Variants in ME3 observed in about 807,000 individuals in gnomAD.
The protein encoded by ME3 is NADP-dependent malic enzyme, mitochondrial.
A neutral mutation model predicts 68.9 loss-of-function variants in ME3; 48 were observed. The ratio of observed to expected loss-of-function variants is 0.70; its 90% CI spans 0.55 to 0.89. The LOEUF (loss-of-function observed/expected upper bound fraction) is 0.89, where lower values mean the gene tolerates loss of function less well. Ranked by LOEUF, ME3 falls within the 40% of genes least tolerant of loss-of-function variation. ME3 has a pLI of 0.00. For synonymous variants in ME3, 320 were observed against 318.8 expected (o/e 1.00, Z -0.04); for missense variants, 675 against 797.4 (o/e 0.85, Z 1.85).
At chr11:86,522,945 T>C (rs1954433809) in intron 4 of ME3, among the ~76,000 whole-genome samples, 1 of 152,190 alleles carries the variant, frequency 6.6e-6, no homozygotes, top group South Asian at 2.1e-4. Flanking sequence ...TGAGCATCCA[T>C]GGATTTTGGT....
intron 2 of ME3, among the ~76,000 whole-genome samples, chr11:86,578,366 G>A (rs552426796): frequency 2.0e-4 from 30 of 152,114 alleles, no homozygotes; most frequent in Non-Finnish European, 4.1e-4. Context: ...GATGGACTCA[G>A]CTTGGGAGGA....
chr11:86,612,643 T>C (rs901005694), intron 2 of ME3, among the ~76,000 whole-genome samples: 3 of 152,268 alleles, frequency 2.0e-5, no homozygotes, highest in Non-Finnish European at 2.9e-5. Context: ...TGGTTTTGAT[T>C]TACATTTCTC....
intron 4 of ME3, among the ~76,000 whole-genome samples, chr11:86,536,418 T>A (rs367960893): frequency 3.1e-5 from 4 of 130,594 alleles, no homozygotes; most frequent in Admixed American, 8.1e-5. Context: ...GAATCTACAA[T>A]GAACTCAAAC....
intron 2 of ME3, among the ~76,000 whole-genome samples, chr11:86,590,119 A>T (rs1179568347): frequency 3.9e-5 from 6 of 152,208 alleles, no homozygotes; most frequent in Non-Finnish European, 8.8e-5. Flanking sequence ...TTGGTCATAG[A>T]CAGTATCAAA....
At chr11:86,525,720 G>A (rs1200448399) in intron 4 of ME3, among the ~76,000 whole-genome samples, 2 of 152,072 alleles carry the variant, frequency 1.3e-5, no homozygotes, top group African/African-American at 4.8e-5. Context: ...AATTAGCCGT[G>A]TGTGGTGGCA....
intron 2 of ME3, among the ~76,000 whole-genome samples, chr11:86,670,413 G>C (rs552670109): frequency 2.0e-5 from 3 of 152,138 alleles, no homozygotes; most frequent in South Asian, 2.1e-4. Flanking sequence ...GGTTCAAGCC[G>C]TGCCTGCAAC....
intron 13 of ME3, 56 bp downstream of exon 13, chr11:86,446,258 C>T: frequency 3.2e-6 from 5 of 1,579,070 alleles, no homozygotes; most frequent in Admixed American, 1.7e-5. Flanking sequence ...GTATAGGACC[C>T]AGTGTCAACC....
intron 4 of ME3, among the ~76,000 whole-genome samples, chr11:86,537,317 TATA>T (rs1320878225): frequency 6.6e-6 from 1 of 150,684 alleles, no homozygotes; most frequent in Non-Finnish European, 1.5e-5. Context: ...GCTACATAAA[TATA>T]ATATTATATA....
intron 2 of ME3, among the ~76,000 whole-genome samples, chr11:86,607,712 A>AAT (rs10539253): frequency 1.6e-4 from 24 of 147,776 alleles, no homozygotes; most frequent in South Asian, 4.3e-4. Flanking sequence ...TTTTAAAAGA[A>AAT]ATATATATAT....
intron 4 of ME3, among the ~76,000 whole-genome samples, chr11:86,529,735 A>C (rs1313875797): frequency 1.6e-4 from 25 of 152,262 alleles, no homozygotes; most frequent in Admixed American, 1.6e-3. Context: ...TCTAGCATAT[A>C]AACAGAACCA....
At chr11:86,465,227 A>G (rs1291765971) in intron 7 of ME3, 27 bp from the exon 8 acceptor site, 5 of 1,515,112 alleles carry the variant, frequency 3.3e-6, no homozygotes, top group East Asian at 2.3e-5. Flanking sequence ...GAAGAAACCC[A>G]TGATTGCCTC....
intron 2 of ME3, among the ~76,000 whole-genome samples, chr11:86,645,051 T>TG (rs1944911535): frequency 6.6e-6 from 1 of 152,234 alleles, no homozygotes; most frequent in Non-Finnish European, 1.5e-5. Context: ...CTTTTCCCAC[T>TG]GTCTTTGCAA....
At chr11:86,537,166 T>A (rs1273005302) in intron 4 of ME3, among the ~76,000 whole-genome samples, 11 of 149,628 alleles carry the variant, frequency 7.4e-5, no homozygotes, top group African/African-American at 2.5e-4. Flanking sequence ...GGGATAGCAT[T>A]GGGAGATACA....
intron 2 of ME3, among the ~76,000 whole-genome samples, chr11:86,619,156 C>G (rs1460588503): frequency 6.6e-6 from 1 of 152,210 alleles, no homozygotes; most frequent in Non-Finnish European, 1.5e-5. Flanking sequence ...GATGTCAGCA[C>G]TATGCTTCCT....
At chr11:86,517,586 T>C (rs564442963) in intron 4 of ME3, among the ~76,000 whole-genome samples, 1 of 152,178 alleles carries the variant, frequency 6.6e-6, no homozygotes, top group East Asian at 1.9e-4. Flanking sequence ...AACCCCCTTT[T>C]TGAGGGACTT....
At chr11:86,571,214 G>A (rs1957770830) in intron 2 of ME3, among the ~76,000 whole-genome samples, 1 of 152,200 alleles carries the variant, frequency 6.6e-6, no homozygotes. Context: ...GCCTCGCACA[G>A]TAATTGATAC....
At chr11:86,525,563 C>T (rs992412534) in intron 4 of ME3, among the ~76,000 whole-genome samples, 54 of 151,602 alleles carry the variant, frequency 3.6e-4, no homozygotes, top group African/African-American at 1.3e-3. Flanking sequence ...ATTCAGTTCA[C>T]CTTTAAGAAC....
chr11:86,468,675 T>C (rs2511081), intron 7 of ME3, among the ~76,000 whole-genome samples: 152,299 of 152,326 alleles, frequency 1, 76,136 homozygotes, highest in Non-Finnish European at 1. Flanking sequence ...GATAAAAAAA[T>C]GTTTCTCAAT....
chr11:86,645,724 G>C (rs1395101050), intron 2 of ME3, among the ~76,000 whole-genome samples: 1 of 152,214 alleles, frequency 6.6e-6, no homozygotes, highest in Non-Finnish European at 1.5e-5. Context: ...GCCTCCTCAA[G>C]TGGGTCCCTG....
Sources: allele counts gnomAD v4.1 joint callset (sites outside exome capture counted in the v4.1 genomes callset), GRCh38; gene constraint gnomAD v4.1.1; transcripts MANE v1.5; gene names NCBI Gene and HGNC (gene_info 2026-07-23, HGNC 2026-07-21).